The following RIMKLB variants were observed in gnomAD, a reference collection of about 807,000 sequenced individuals.
The protein encoded by RIMKLB is beta-citrylglutamate synthase B.
A neutral mutation model predicts 32.0 loss-of-function variants in RIMKLB; 7 were observed. That is an observed-to-expected ratio of 0.22 (90% CI 0.12 to 0.41). The LOEUF (loss-of-function observed/expected upper bound fraction) is 0.41. RIMKLB is among the 10% of genes least tolerant of loss of function. The probability of loss-of-function intolerance (pLI) is 1.00; values close to 1 mark genes in which losing one functional copy is unlikely to be tolerated. For missense variants in RIMKLB, 289 were observed against 498.7 expected (o/e 0.58, Z 4.00); for synonymous variants, 172 against 185.1 (o/e 0.93, Z 0.57).
At chr12:8,781,116 G>C (rs1187098894), downstream of RIMKLB, among the ~76,000 whole-genome samples, 1 of 152,180 alleles carries the variant, frequency 6.6e-6, no homozygotes, top group Non-Finnish European at 1.5e-5. Context: ...TGAGGAGAGT[G>C]GATCACCTGA....
At chr12:8,753,723 T>TA (rs1418554477) in intron 4 of RIMKLB, among the ~76,000 whole-genome samples, 167 bp from the exon 5 acceptor site, 2 of 152,196 alleles carry the variant, frequency 1.3e-5, no homozygotes, top group Non-Finnish European at 2.9e-5. Context: ...TGTCTTTATA[T>TA]ATTTTTGTAT....
chr12:8,718,665 ATATATGTGTGTG>A (rs1308757795), intron 2 of RIMKLB, among the ~76,000 whole-genome samples: 48 of 104,318 alleles, frequency 4.6e-4, no homozygotes, highest in African/African-American at 1.1e-3. Flanking sequence ...ATATATATAT[ATATATGTGTGTG>A]TGTGTGTGTG....
chr12:8,780,071 C>T (rs1950943390), downstream of RIMKLB: 1 of 152,172 alleles, frequency 6.6e-6, no homozygotes, highest in Admixed American at 6.5e-5. Context: ...TATTCAGAGC[C>T]ATTGGGCAAT....
chr12:8,777,400 G>T (rs1401779562), downstream of RIMKLB: 1 of 984,744 alleles, frequency 1.0e-6, no homozygotes, highest in African/African-American at 1.8e-5. Context: ...TTGGATTTTT[G>T]TGTGGTATTT....
At chr12:8,705,497 A>C (rs930069818) in intron 1 of RIMKLB, among the ~76,000 whole-genome samples, 5 of 150,978 alleles carry the variant, frequency 3.3e-5, no homozygotes, top group Non-Finnish European at 7.4e-5. Flanking sequence ...AAAAAAAAGT[A>C]AAATGCCGGT....
At chr12:8,717,905 C>T (rs117981284) in intron 2 of RIMKLB, among the ~76,000 whole-genome samples, 4 of 152,262 alleles carry the variant, frequency 2.6e-5, no homozygotes, top group Admixed American at 6.5e-5. Flanking sequence ...GAAACATTCA[C>T]CCCAATATAC....
upstream of RIMKLB, among the ~76,000 whole-genome samples, chr12:8,678,177 A>T (rs964257302): frequency 4.8e-5 from 7 of 146,268 alleles, no homozygotes; most frequent in Non-Finnish European, 9.0e-5. Flanking sequence ...TTTAATTAAA[A>T]ATTTTTTTTT....
At chr12:8,716,431 C>CTTTTTTTT (rs11307521) in intron 2 of RIMKLB, among the ~76,000 whole-genome samples, 3 of 81,684 alleles carry the variant, frequency 3.7e-5, no homozygotes, top group African/African-American at 4.9e-5. Flanking sequence ...ATTAACATGT[C>CTTTTTTTT]TTTTTTTTTT....
chr12:8,723,187 A>G (rs1488017420), intron 2 of RIMKLB, among the ~76,000 whole-genome samples: 1 of 152,182 alleles, frequency 6.6e-6, no homozygotes, highest in Non-Finnish European at 1.5e-5. Flanking sequence ...AAAGTAAGAG[A>G]TTGTGTGACT....
At chr12:8,755,673 C>T (rs779946929) in intron 5 of RIMKLB, among the ~76,000 whole-genome samples, 6 of 152,102 alleles carry the variant, frequency 3.9e-5, no homozygotes, top group Non-Finnish European at 8.8e-5. Context: ...AGTGATATGA[C>T]GGATGCTTTT....
At chr12:8,756,535 GTT>G (rs931565680) in intron 5 of RIMKLB, among the ~76,000 whole-genome samples, 10 of 151,958 alleles carry the variant, frequency 6.6e-5, no homozygotes, top group Admixed American at 2.6e-4. Flanking sequence ...ACAATGCAGT[GTT>G]GGGAATACAA....
Position 8,698,106 on chromosome 12 carries a change from G to A in RIMKLB, c.-248G>A, listed in dbSNP as rs1379735379. ...GACGCGAGGCTGTGAGAAACTGGGC[G>A]AGTGTGCGAGGACGCCCGGCCAGCC... On this transcript the variant is annotated 5_prime_UTR_variant, in exon 1 of 6. Transcript: ENST00000535829. 1.1e-5 allele frequency: 3 copies of A among 276,482 alleles called. No individual in the cohort carries two copies. The highest frequency in any genetic ancestry group is 2.2e-5 in the Non-Finnish European group (3 of 136,578). The allele number at this position is 276,482 out of a possible 1,614,324, so 17.1% of individuals were successfully genotyped here.
At chr12:8,725,274 C>CT (rs772644778) in intron 2 of RIMKLB, among the ~76,000 whole-genome samples, 3,325 of 151,800 alleles carry the variant, frequency 0.022, 113 homozygotes, top group African/African-American at 0.076. Context: ...GCTCTACTTT[C>CT]TTTTTTTTAT....
Position 8,777,171 on chromosome 12 carries a change from A to G in RIMKLB, c.*3387A>G. ...ACTAGGATTTTAAAAAATGTAATATATTGCAGGATTTATAACCAGGTTCAC... is the reference window on the plus strand; with the variant it reads ...ACTAGGATTTTAAAAAATGTAATATGTTGCAGGATTTATAACCAGGTTCAC... On this transcript the variant is annotated 3_prime_UTR_variant, in exon 6 of 6. Coordinates refer to ENST00000535829, the MANE Select transcript of RIMKLB (RefSeq NM_001297776.2). 2.1e-6 allele frequency: 2 copies of G among 937,516 alleles called. No homozygotes were observed. The highest frequency in any genetic ancestry group is 2.0e-5 in the African/African-American group (1 of 49,388). 58.1% of individuals were successfully genotyped at this position (937,516 alleles called of 1,614,324 possible).
At position 8,775,224 on chromosome 12, in the gene RIMKLB, TG is replaced by T. The variant is rs1378633214; in HGVS notation, c.*1443del. The T allele has an allele frequency of 2.0e-6, 2 of 985,388 alleles. No individual in the cohort carries two copies. The highest frequency in any genetic ancestry group is 3.5e-5 in the African/African-American group (2 of 57,142). 61.0% of individuals were successfully genotyped at this position (985,388 alleles called of 1,614,324 possible). ...TACATATAGGATTTGGGATTGGGGGTGGGTTGGATGTTTTTGTTTGGGGACT... is the reference window on the plus strand; with the variant it reads ...TACATATAGGATTTGGGATTGGGGGTGGTTGGATGTTTTTGTTTGGGGACT... On this transcript the variant is annotated 3_prime_UTR_variant, in exon 6 of 6. Transcript: ENST00000535829.
intron 5 of RIMKLB, among the ~76,000 whole-genome samples, chr12:8,762,806 C>T (rs756740304): frequency 2.6e-5 from 4 of 152,248 alleles, no homozygotes; most frequent in South Asian, 4.1e-4. Flanking sequence ...CCCTGCTTTT[C>T]GAAGTCCTTT....
chr12:8,691,293 A>AT (rs796464108), intron 1 of RIMKLB, among the ~76,000 whole-genome samples: 22 of 147,888 alleles, frequency 1.5e-4, no homozygotes, highest in South Asian at 6.5e-4. Flanking sequence ...ACTTGGCCAA[A>AT]TTTTTTTTTT....
chr12:8,724,378 C>G (rs1945776397), intron 2 of RIMKLB, among the ~76,000 whole-genome samples: 2 of 152,086 alleles, frequency 1.3e-5, no homozygotes, highest in Non-Finnish European at 1.5e-5. Context: ...CTTTGTAAAT[C>G]TCCATTTCTT....
intron 1 of RIMKLB, among the ~76,000 whole-genome samples, chr12:8,705,552 A>G (rs1943799149): frequency 6.6e-6 from 1 of 152,168 alleles, no homozygotes; most frequent in African/African-American, 2.4e-5. Context: ...GTAAACAGTG[A>G]AAGAAGGATG....
Sources: allele counts gnomAD v4.1 joint callset (sites outside exome capture counted in the v4.1 genomes callset), GRCh38; gene constraint gnomAD v4.1.1; transcripts MANE v1.5; gene names NCBI Gene and HGNC (gene_info 2026-07-23, HGNC 2026-07-21).